Variants in SYK observed in about 807,000 individuals in gnomAD.
SYK encodes spleen associated tyrosine kinase, also known as tyrosine-protein kinase SYK.
Under a neutral mutation model 77.8 loss-of-function variants are expected in SYK, and 16 were observed. The observed-to-expected ratio is 0.21, with a 90% CI of 0.14 to 0.31. The LOEUF (loss-of-function observed/expected upper bound fraction) is 0.31. SYK is among the 10% of genes least tolerant of loss of function. The pLI is 1.00. For missense variants in SYK, 529 were observed against 814.4 expected (o/e 0.65, Z 4.26); for synonymous variants, 312 against 308.7 (o/e 1.01, Z -0.11).
chr9:90,884,245 A>G (rs1280826998), intron 11 of SYK, among the ~76,000 whole-genome samples: 1 of 93,684 alleles, frequency 1.1e-5, no homozygotes, highest in South Asian at 2.9e-4. Flanking sequence ...ACGTGTATAT[A>G]TACACATACA....
intron 3 of SYK, among the ~76,000 whole-genome samples, chr9:90,851,679 C>G (rs75814012): frequency 6.6e-6 from 1 of 152,090 alleles, no homozygotes; most frequent in Non-Finnish European, 1.5e-5. Flanking sequence ...CCCCTGCCCC[C>G]AGAGGCCTTG....
intron 1 of SYK, among the ~76,000 whole-genome samples, chr9:90,835,727 A>G (rs1253676171): frequency 6.6e-6 from 1 of 152,184 alleles, no homozygotes; most frequent in Non-Finnish European, 1.5e-5. Flanking sequence ...CTCCATCTGA[A>G]GCAGCCACAG....
intron 3 of SYK, among the ~76,000 whole-genome samples, chr9:90,854,004 A>G (rs1272225453): frequency 3.3e-5 from 5 of 152,112 alleles, no homozygotes; most frequent in African/African-American, 1.2e-4. Flanking sequence ...GAAGCGGTGG[A>G]TGCCGAGTGG....
intron 1 of SYK, among the ~76,000 whole-genome samples, chr9:90,805,999 A>T (rs1036414116): frequency 6.6e-6 from 1 of 152,220 alleles, no homozygotes; most frequent in African/African-American, 2.4e-5. Context: ...CAGGATAATT[A>T]TTCTCTCATT....
chr9:90,878,700 A>G (rs1308470203), intron 10 of SYK, 64 bp from the exon 11 acceptor site: 3 of 1,408,810 alleles, frequency 2.1e-6, no homozygotes, highest in African/African-American at 1.4e-5. Context: ...CGTGAGGAGC[A>G]TGGTTGTTTG....
At chr9:90,846,476 A>T (rs78841477) in intron 3 of SYK, among the ~76,000 whole-genome samples, 9,260 of 152,278 alleles carry the variant, frequency 0.061, 311 homozygotes, top group Middle Eastern at 0.085. Flanking sequence ...TATTCAAAGG[A>T]ATTTCCTCAG....
rs78351105 is a variant in SYK, at chr9:90,850,660, C to T, written c.578+5066C>T. ...ACAAAATCCCAGCGATTACTCTTCACACTTTCATCGTGAGTACCAATATGC... is the reference window on the plus strand; with the variant it reads ...ACAAAATCCCAGCGATTACTCTTCATACTTTCATCGTGAGTACCAATATGC... On this transcript the variant is annotated intron_variant, in intron 3 of 13. Coordinates refer to ENST00000375754, the MANE Select transcript of SYK (RefSeq NM_003177.7). 2.7e-3 allele frequency among the ~76,000 whole-genome samples: 416 copies of T among 152,026 alleles called. 1 individual carries two copies. Among genetic ancestry groups the T allele is most frequent in the Admixed American group, 6.4e-3 (98 of 15,260 alleles).
At chr9:90,856,555 T>G (rs1207559123) in intron 3 of SYK, among the ~76,000 whole-genome samples, 1 of 152,024 alleles carries the variant, frequency 6.6e-6, no homozygotes, top group Non-Finnish European at 1.5e-5. Flanking sequence ...TCACTGATTT[T>G]TTTTAATTAC....
At chr9:90,889,556 G>A (rs1446069759) in intron 13 of SYK, among the ~76,000 whole-genome samples, 2 of 152,250 alleles carry the variant, frequency 1.3e-5, no homozygotes, top group Non-Finnish European at 2.9e-5. Context: ...CACCCTGGGA[G>A]TATCACTCTA....
Position 90,895,662 on chromosome 9 carries a change from C to A in SYK, c.*62C>A. On this transcript the variant is annotated 3_prime_UTR_variant, in exon 14 of 14. Coordinates refer to ENST00000375754, the MANE Select transcript of SYK (RefSeq NM_003177.7). This position sits in a 1 kb window ranked among gnomAD's most constrained non-coding sequence, Gnocchi z 4.4. ...AGGAGCAATCACAGGAAAATGTATC[C>A]AGAGGAATTGATTGTCAGCCACCTC... 6.7e-7 allele frequency: 1 copy of A among 1,500,976 alleles called. No homozygotes were observed. The highest frequency in any genetic ancestry group is 9.3e-7 in the Non-Finnish European group (1 of 1,079,650). The allele number at this position is 1,500,976 out of a possible 1,614,324, so 93.0% of individuals were successfully genotyped here. A position where few individuals can be genotyped will look rare whatever the true frequency, so the allele number is the denominator to read the frequency against.
intron 1 of SYK, among the ~76,000 whole-genome samples, chr9:90,839,201 G>A (rs1454262546): frequency 6.6e-6 from 1 of 152,204 alleles, no homozygotes; most frequent in African/African-American, 2.4e-5. Flanking sequence ...GGTATGCACA[G>A]GAACACCATG....
chr9:90,816,338 A>G (rs1237353303), intron 1 of SYK, among the ~76,000 whole-genome samples: 2 of 152,192 alleles, frequency 1.3e-5, no homozygotes, highest in Admixed American at 6.5e-5. Context: ...CGACAGAGAC[A>G]TCAGAACCTT....
rs551097164 is a variant in SYK, at chr9:90,895,913, C to G, written c.*313C>G. ...AAATCCCTTTCATGTCTTTCCACTTCTCTGGGTCCCGGGGTGCATTTGTTA... is the reference window on the plus strand; with the variant it reads ...AAATCCCTTTCATGTCTTTCCACTTGTCTGGGTCCCGGGGTGCATTTGTTA... On this transcript the variant is annotated 3_prime_UTR_variant, in exon 14 of 14. Transcript: ENST00000375754. This position sits in a 1 kb window ranked among gnomAD's most constrained non-coding sequence, Gnocchi z 4.4. 2.6e-6 allele frequency: 1 copy of G among 378,228 alleles called. No homozygotes were observed. The highest frequency in any genetic ancestry group is 3.5e-5 in the South Asian group (1 of 28,920). The allele number at this position is 378,228 out of a possible 1,614,324, so 23.4% of individuals were successfully genotyped here. A position where few individuals can be genotyped will look rare whatever the true frequency, so the allele number is the denominator to read the frequency against.
intron 1 of SYK, among the ~76,000 whole-genome samples, chr9:90,821,752 G>A (rs547333204): frequency 2.6e-5 from 4 of 152,212 alleles, no homozygotes; most frequent in East Asian, 3.9e-4. Context: ...ACTTAGTGCC[G>A]TATTTTTTGC....
At chr9:90,878,530 T>C (rs1828028837) in intron 10 of SYK, among the ~76,000 whole-genome samples, 1 of 152,194 alleles carries the variant, frequency 6.6e-6, no homozygotes, top group Non-Finnish European at 1.5e-5. Flanking sequence ...TTATACTGCT[T>C]TTCTTGCAAT....
intron 1 of SYK, among the ~76,000 whole-genome samples, chr9:90,839,200 A>T (rs1162420141): frequency 6.6e-6 from 1 of 152,238 alleles, no homozygotes; most frequent in Non-Finnish European, 1.5e-5. Flanking sequence ...AGGTATGCAC[A>T]GGAACACCAT....
intron 3 of SYK, 76 bp from the exon 4 acceptor site, chr9:90,862,130 C>T (rs1827287131): frequency 1.3e-6 from 2 of 1,498,906 alleles, no homozygotes; most frequent in African/African-American, 2.8e-5. Flanking sequence ...ACCATTCAGG[C>T]CAGGGTGCTT....
Position 90,877,559 on chromosome 9 carries a change from T to G in SYK, c.1182-12T>G. The G allele has an allele frequency of 1.9e-6, 3 of 1,614,032 alleles. No individual in the cohort carries two copies. Among genetic ancestry groups the G allele is most frequent in the Non-Finnish European group, 2.5e-6 (3 of 1,179,958 alleles). On this transcript the variant is annotated splice_polypyrimidine_tract_variant and intron_variant, in intron 9 of 13. Transcript: ENST00000375754. ...TTGGAAAGTTTCTTGTGTGTTATGA[T>G]TTCTCTTGCAGAGTTGTGAAAACCG...
At chr9:90,846,679 A>AAAGAAAAG (rs3056979) in intron 3 of SYK, among the ~76,000 whole-genome samples, 1 of 146,674 alleles carries the variant, frequency 6.8e-6, no homozygotes, top group African/African-American at 2.5e-5. Context: ...AAAGAAAAGA[A>AAAGAAAAG]AAATTGACCA....
Sources: gnomAD v4.1 joint callset for allele counts (sites outside exome capture counted in the v4.1 genomes callset) on GRCh38, gnomAD v4.1.1 for gene constraint, Gnocchi (gnomAD v3.1) non-coding constraint, MANE v1.5 for transcripts, NCBI Gene and HGNC (gene_info 2026-07-23, HGNC 2026-07-21) for gene names.